PTPRD: variants seen among roughly 807,000 people sequenced by gnomAD.
PTPRD encodes protein tyrosine phosphatase receptor type D.
PTPRD carries 34 observed loss-of-function variants against 214.5 expected under a neutral mutation model. The ratio of observed to expected loss-of-function variants is 0.16; its 90% CI spans 0.12 to 0.21. The LOEUF is 0.21. PTPRD is among the 10% of genes least tolerant of loss of function. The probability of loss-of-function intolerance (pLI) is 1.00; values close to 1 mark genes in which losing one functional copy is unlikely to be tolerated. For synonymous variants in PTPRD, 1,128 were observed against 845.7 expected (o/e 1.33, Z -5.79); for missense variants, 2,545 against 2,398.7 (o/e 1.06, Z -1.27).
At chr9:9,675,771 T>C (rs542056841) in intron 7 of PTPRD, among the ~76,000 whole-genome samples, 1 of 152,140 alleles carries the variant, frequency 6.6e-6, no homozygotes, top group Non-Finnish European at 1.5e-5. Flanking sequence ...TTCTGGGTAT[T>C]TTAAAAGCGT....
intron 4 of PTPRD, among the ~76,000 whole-genome samples, chr9:10,030,933 T>C (rs1002577944): frequency 3.3e-5 from 5 of 152,214 alleles, no homozygotes; most frequent in African/African-American, 1.2e-4. Flanking sequence ...AACTTTTCCC[T>C]ATTTAAGTGT....
At chr9:10,143,078 A>G (rs1472740823) in intron 3 of PTPRD, among the ~76,000 whole-genome samples, 1 of 152,074 alleles carries the variant, frequency 6.6e-6, no homozygotes, top group Non-Finnish European at 1.5e-5. Context: ...GAACAATGAG[A>G]AAACATGGAC....
chr9:9,493,166 A>G (rs995931288), intron 8 of PTPRD, among the ~76,000 whole-genome samples: 2 of 151,974 alleles, frequency 1.3e-5, no homozygotes, highest in East Asian at 1.9e-4. Context: ...AGCCAATTTC[A>G]TTTACCATTC....
intron 10 of PTPRD, among the ~76,000 whole-genome samples, chr9:9,099,822 G>T (rs1462741216): frequency 6.6e-6 from 1 of 152,070 alleles, no homozygotes; most frequent in Non-Finnish European, 1.5e-5. Flanking sequence ...GACATCTACA[G>T]CTGAGATCAA....
At chr9:10,327,253 A>G (rs1202904341) in intron 3 of PTPRD, among the ~76,000 whole-genome samples, 1 of 150,574 alleles carries the variant, frequency 6.6e-6, no homozygotes, top group Non-Finnish European at 1.5e-5. Context: ...AAAAGAAAAC[A>G]ATCAATTTTA....
At chr9:9,863,774 C>T (rs1482999627) in intron 5 of PTPRD, among the ~76,000 whole-genome samples, 1 of 151,654 alleles carries the variant, frequency 6.6e-6, no homozygotes, top group Non-Finnish European at 1.5e-5. Context: ...AAGACACTCT[C>T]TTTTGTCTGT....
At chr9:9,106,913 T>C (rs1327414711) in intron 10 of PTPRD, among the ~76,000 whole-genome samples, 1 of 152,190 alleles carries the variant, frequency 6.6e-6, no homozygotes, top group African/African-American at 2.4e-5. Flanking sequence ...GATAACTTAA[T>C]CTACCTTCTA....
In PTPRD at chr9:9,282,735, A is replaced by G. The variant is rs993580150; in HGVS notation, c.-202-99372T>C. On this transcript the variant is annotated intron_variant, in intron 9 of 45. Transcript: ENST00000381196. ...AATTGTTGTTTACTTTCCTTTAGAA[A>G]TAGCTGGAGGCTAAATGTTAAAGGT... Among the ~76,000 whole-genome samples the G allele has an allele frequency of 6.6e-5, 10 of 151,494 alleles. No individual in the cohort carries two copies. The Admixed American group carries it at 6.6e-4, about 10-fold the overall frequency.
At chr9:10,010,877 T>C (rs1327021540) in intron 4 of PTPRD, among the ~76,000 whole-genome samples, 1 of 151,900 alleles carries the variant, frequency 6.6e-6, no homozygotes, top group Non-Finnish European at 1.5e-5. Context: ...AAGGCAATAA[T>C]TGTTCTAGTC....
chr9:10,385,561 T>G (rs999933785), intron 2 of PTPRD, among the ~76,000 whole-genome samples: 2 of 151,780 alleles, frequency 1.3e-5, no homozygotes, highest in African/African-American at 2.4e-5. Context: ...TTCCTGAAAA[T>G]GAAAGATGTT....
chr9:9,618,384 T>TAA (rs1250038696), intron 7 of PTPRD, among the ~76,000 whole-genome samples: 2,312 of 151,468 alleles, frequency 0.015, 58 homozygotes, highest in African/African-American at 0.053. Context: ...ACCTATGGAT[T>TAA]AAGAAAAAAA....
intron 7 of PTPRD, among the ~76,000 whole-genome samples, chr9:9,613,764 G>A (rs992096464): frequency 6.6e-6 from 1 of 152,142 alleles, no homozygotes; most frequent in Non-Finnish European, 1.5e-5. Context: ...AGTCTACTAG[G>A]AGCCTGTATT....
At chr9:10,596,040 T>C (rs961154317) in intron 2 of PTPRD, among the ~76,000 whole-genome samples, 1 of 151,834 alleles carries the variant, frequency 6.6e-6, no homozygotes, top group Non-Finnish European at 1.5e-5. Context: ...CCACCAGTTA[T>C]ATACACACAA....
intron 2 of PTPRD, among the ~76,000 whole-genome samples, chr9:10,506,554 T>C (rs972331848): frequency 6.6e-6 from 1 of 152,162 alleles, no homozygotes; most frequent in African/African-American, 2.4e-5. Context: ...GTGATTATTA[T>C]GCATTGTATA....
intron 10 of PTPRD, among the ~76,000 whole-genome samples, chr9:9,177,514 A>G (rs2099925638): frequency 6.6e-6 from 1 of 152,068 alleles, no homozygotes; most frequent in South Asian, 2.1e-4. Context: ...TAGAAAATAT[A>G]TTAGAGCATA....
intron 10 of PTPRD, among the ~76,000 whole-genome samples, chr9:9,067,399 CT>C (rs971834675): frequency 2.3e-4 from 35 of 152,080 alleles, no homozygotes; most frequent in Admixed American, 6.6e-4. Context: ...AAGTCATTGA[CT>C]TTTTTTGTTA....
In PTPRD at chr9:9,328,618, C is replaced by CTTTTTTTTTTTTTTTTTTTTTT. The variant is rs869076374; in HGVS notation, c.-203+68809_-203+68830dup. On this transcript the variant is annotated intron_variant, in intron 9 of 45. Transcript: ENST00000381196. ...ACATTTTCTTTTGTTGTTGTTCTTG[C>CTTTTTTTTTTTTTTTTTTTTTT]TTTTTTTTTTTTTTTTTTTTTTTTT... is the stretch of plus-strand genomic sequence containing the variant. Among the ~76,000 whole-genome samples the CTTTTTTTTTTTTTTTTTTTTTT allele has an allele frequency of 6.4e-4, 18 of 28,228 alleles. 5 individuals carry two copies. The highest frequency in any genetic ancestry group is 8.8e-4 in the African/African-American group (7 of 7,926). The allele number at this position is 28,228 out of a possible 152,430, so 18.5% of individuals were successfully genotyped here. A position where few individuals can be genotyped will look rare whatever the true frequency, so the allele number is the denominator to read the frequency against.
intron 8 of PTPRD, among the ~76,000 whole-genome samples, chr9:9,561,032 G>A (rs1251450537): frequency 1.3e-5 from 2 of 152,088 alleles, no homozygotes; most frequent in Non-Finnish European, 2.9e-5. Context: ...GCCATGTTGA[G>A]CCGAGCTGAG....
chr9:9,648,264 T>A lies in PTPRD; in HGVS notation c.-286-73483A>T, dbSNP rs185203666. Among the ~76,000 whole-genome samples, 6 of 152,078 alleles carry A rather than the reference T, an allele frequency of 3.9e-5. No homozygotes were observed. In the East Asian group the frequency reaches 1.2e-3, roughly 29 times the overall value. On this transcript the variant is annotated intron_variant, in intron 7 of 45. Transcript: ENST00000381196. The stretch of plus-strand genomic sequence containing the variant: ...GTGTATATTTAGAGCCAAAAAAACA[T>A]TTAGAGAGCACCTAGACCTAACCTT...
Sources: allele counts gnomAD v4.1 joint callset (sites outside exome capture counted in the v4.1 genomes callset), GRCh38; gene constraint gnomAD v4.1.1; transcripts MANE v1.5; gene names NCBI Gene and HGNC (gene_info 2026-07-23, HGNC 2026-07-21).